Variants in ELK3 observed in about 807,000 individuals in gnomAD.
ELK3 encodes the protein ETS domain-containing protein Elk-3.
A neutral mutation model predicts 28.9 loss-of-function variants in ELK3; 10 were observed. The observed-to-expected ratio is 0.35, with a 90% CI of 0.21 to 0.59. ELK3 has a LOEUF of 0.59. Among genes scored for constraint, ELK3 ranks in the 20% least tolerant of loss-of-function variants. The pLI is 0.82. For missense variants in ELK3, 463 were observed against 517.3 expected, an observed-to-expected ratio of 0.90 and a Z score of 1.02; for synonymous variants, 272 against 243.5, an observed-to-expected ratio of 1.12 and a Z score of -1.09.
chr12:96,256,848 G>T (rs2268504), intron 3 of ELK3, among the ~76,000 whole-genome samples: 1 of 152,060 alleles, frequency 6.6e-6, no homozygotes, highest in Non-Finnish European at 1.5e-5. Context: ...GGGCAGGGGT[G>T]CACAGGTGGG....
At chr12:96,261,679 T>C (rs1951993714) in intron 4 of ELK3, among the ~76,000 whole-genome samples, 1 of 152,184 alleles carries the variant, frequency 6.6e-6, no homozygotes, top group South Asian at 2.1e-4. Flanking sequence ...TTCTGCCACC[T>C]GATTGGTGCA....
intron 3 of ELK3, chr12:96,255,555 G>A (rs1405381944): frequency 6.6e-6 from 1 of 152,246 alleles, no homozygotes; most frequent in Non-Finnish European, 1.5e-5. Flanking sequence ...AAGCAAGTAA[G>A]AGGGTTTGGG....
chr12:96,218,822 GTA>G (rs1322156260), intron 1 of ELK3, among the ~76,000 whole-genome samples: 1 of 151,884 alleles, frequency 6.6e-6, no homozygotes, highest in African/African-American at 2.4e-5. Flanking sequence ...CTAATTTTTT[GTA>G]TTTTTAGTAG....
At chr12:96,258,858 C>G (rs1192889458) in intron 3 of ELK3, among the ~76,000 whole-genome samples, 2 of 152,176 alleles carry the variant, frequency 1.3e-5, no homozygotes, top group East Asian at 3.8e-4. Flanking sequence ...CAAACCATTG[C>G]CAGGGCAATG....
intron 2 of ELK3, among the ~76,000 whole-genome samples, chr12:96,224,990 GT>G (rs1951688901): frequency 6.6e-6 from 1 of 152,204 alleles, no homozygotes; most frequent in Non-Finnish European, 1.5e-5. Context: ...ACGTGATTGT[GT>G]CATTGAAATG....
chr12:96,204,671 A>G (rs1951528931), intron 1 of ELK3, among the ~76,000 whole-genome samples: 1 of 152,216 alleles, frequency 6.6e-6, no homozygotes, highest in South Asian at 2.1e-4. Flanking sequence ...GGGAATCAAC[A>G]GTAGGAGTTC....
intron 4 of ELK3, among the ~76,000 whole-genome samples, chr12:96,263,518 G>A (rs1433310022): frequency 2.6e-5 from 4 of 152,226 alleles, no homozygotes; most frequent in African/African-American, 9.6e-5. Context: ...GTAATTTTTA[G>A]TTCAACAAAT....
chr12:96,236,720 C>G (rs1951786884), intron 2 of ELK3, among the ~76,000 whole-genome samples: 1 of 152,220 alleles, frequency 6.6e-6, no homozygotes, highest in Non-Finnish European at 1.5e-5. Flanking sequence ...GGCTGTGCCT[C>G]CTCTGCCTCG....
intron 1 of ELK3, among the ~76,000 whole-genome samples, chr12:96,195,319 G>A (rs146915985): frequency 0.014 from 2,061 of 152,288 alleles, 43 homozygotes; most frequent in Admixed American, 0.056. Context: ...GGTGACCCCC[G>A]CCCAGGTCAC....
chr12:96,246,860 C>T (rs770590593), intron 2 of ELK3, 80 bp from the exon 3 acceptor site: 23 of 1,425,184 alleles, frequency 1.6e-5, no homozygotes, highest in Admixed American at 2.3e-5. Context: ...CTTCTGCCAG[C>T]GACATTTACC....
chr12:96,230,969 T>C (rs1042429687), intron 2 of ELK3, among the ~76,000 whole-genome samples: 12 of 152,302 alleles, frequency 7.9e-5, no homozygotes, highest in Non-Finnish European at 1.3e-4. Flanking sequence ...GCGGCATGTT[T>C]TGCAACCCGG....
intron 2 of ELK3, among the ~76,000 whole-genome samples, chr12:96,232,239 T>C (rs186783894): frequency 9.9e-5 from 15 of 152,226 alleles, no homozygotes; most frequent in Admixed American, 8.5e-4. Flanking sequence ...GAGTATATCA[T>C]GCTAAAGGGT....
At chr12:96,233,460 G>A (rs1951758159) in intron 2 of ELK3, among the ~76,000 whole-genome samples, 2 of 152,156 alleles carry the variant, frequency 1.3e-5, no homozygotes, top group African/African-American at 4.8e-5. Context: ...ACGATGTACT[G>A]AACAATCTTT....
intron 1 of ELK3, among the ~76,000 whole-genome samples, chr12:96,217,485 A>G (rs1384364347): frequency 2.0e-5 from 3 of 152,208 alleles, no homozygotes; most frequent in African/African-American, 7.2e-5. Flanking sequence ...TTCTTCTTCT[A>G]TAAATGCCTC....
intron 1 of ELK3, among the ~76,000 whole-genome samples, chr12:96,216,535 G>T (rs1173064641): frequency 6.6e-6 from 1 of 152,228 alleles, no homozygotes; most frequent in Admixed American, 6.5e-5. Flanking sequence ...TTCAGTGCCT[G>T]TGTGGGGCTC....
intron 1 of ELK3, among the ~76,000 whole-genome samples, chr12:96,217,873 G>C (rs575615439): frequency 6.8e-6 from 1 of 147,940 alleles, no homozygotes; most frequent in Non-Finnish European, 1.5e-5. Flanking sequence ...GGGAGGCAGA[G>C]GTTGCAGTGA....
At chr12:96,226,516 C>A (rs12813984) in intron 2 of ELK3, among the ~76,000 whole-genome samples, 3 of 150,024 alleles carry the variant, frequency 2.0e-5, no homozygotes, top group Non-Finnish European at 3.0e-5. Flanking sequence ...ACACCCATGC[C>A]CACACAGATG....
intron 2 of ELK3, among the ~76,000 whole-genome samples, chr12:96,228,183 G>A (rs1951717133): frequency 6.6e-6 from 1 of 152,000 alleles, no homozygotes; most frequent in Non-Finnish European, 1.5e-5. Flanking sequence ...ACTTTGGGAG[G>A]CCAAGGTGGG....
chr12:96,211,674 G>A (rs1221772060), intron 1 of ELK3, among the ~76,000 whole-genome samples: 1 of 152,132 alleles, frequency 6.6e-6, no homozygotes, highest in East Asian at 1.9e-4. Flanking sequence ...ATCACAATGT[G>A]ATATTTATAA....
Sources: allele counts gnomAD v4.1 joint callset (sites outside exome capture counted in the v4.1 genomes callset), GRCh38; gene constraint gnomAD v4.1.1; transcripts MANE v1.5; gene names NCBI Gene and HGNC (gene_info 2026-07-23, HGNC 2026-07-21).